The following ZNF407 variants were observed in gnomAD, a reference collection of about 807,000 sequenced individuals.
ZNF407 encodes zinc finger protein 407.
ZNF407 carries 17 observed loss-of-function variants against 131.2 expected under a neutral mutation model. The ratio of observed to expected loss-of-function variants is 0.13; its 90% CI spans 0.09 to 0.19. The LOEUF (loss-of-function observed/expected upper bound fraction) is 0.19, where lower values mean the gene tolerates loss of function less well. Ranked by LOEUF, ZNF407 falls within the 10% of genes least tolerant of loss-of-function variation. The pLI, the probability that ZNF407 is intolerant of heterozygous loss-of-function variation, is 1.00. For synonymous variants in ZNF407, 1,156 were observed against 1,062.0 expected (o/e 1.09, Z -1.72); for missense variants, 2,681 against 2,830.6 (o/e 0.95, Z 1.20).
At chr18:74,939,787 A>G (rs550223952) in intron 8 of ZNF407, among the ~76,000 whole-genome samples, 6 of 152,228 alleles carry the variant, frequency 3.9e-5, no homozygotes, top group Non-Finnish European at 7.4e-5. Context: ...TCAAGACCTC[A>G]CTGATAGAAA....
At chr18:74,991,840 CTT>C (rs1249122410) in intron 8 of ZNF407, among the ~76,000 whole-genome samples, 1 of 152,174 alleles carries the variant, frequency 6.6e-6, no homozygotes, top group African/African-American at 2.4e-5. Context: ...AGGAGTATTC[CTT>C]GCTTCTAGTT....
intron 3 of ZNF407, 83 bp from the exon 4 acceptor site, chr18:74,781,345 A>G: frequency 5.3e-6 from 5 of 951,418 alleles, no homozygotes; most frequent in Non-Finnish European, 6.3e-6. Flanking sequence ...TTGCATATAT[A>G]TATTATTCTT....
chr18:74,866,100 G>T (rs1435961494), intron 4 of ZNF407, among the ~76,000 whole-genome samples: 1 of 152,132 alleles, frequency 6.6e-6, no homozygotes, highest in South Asian at 2.1e-4. Context: ...CCTACAACAT[G>T]ATCTTTCAAT....
intron 7 of ZNF407, among the ~76,000 whole-genome samples, chr18:74,919,253 GTTATTTT>G (rs1971814548): frequency 1.3e-5 from 2 of 152,156 alleles, no homozygotes; most frequent in Non-Finnish European, 2.9e-5. Context: ...AGAGATAACA[GTTATTTT>G]CACTTCCTTG....
At chr18:74,617,359 C>T (rs1983361373) in intron 1 of ZNF407, among the ~76,000 whole-genome samples, 18 of 152,188 alleles carry the variant, frequency 1.2e-4, no homozygotes, top group Non-Finnish European at 1.0e-4. Flanking sequence ...ATCAGTTGGC[C>T]TAAAATGTCC....
At chr18:74,962,604 A>G (rs915760946) in intron 8 of ZNF407, among the ~76,000 whole-genome samples, 3 of 152,186 alleles carry the variant, frequency 2.0e-5, no homozygotes, top group Non-Finnish European at 4.4e-5. Context: ...AACTACGGGT[A>G]TACGCCAAAT....
chr18:75,053,568 A>T (rs1973526633), intron 8 of ZNF407, among the ~76,000 whole-genome samples: 1 of 152,148 alleles, frequency 6.6e-6, no homozygotes, highest in South Asian at 2.1e-4. Context: ...AAGCTTTATT[A>T]TCCCAGGGGT....
chr18:74,622,976 CAGTGTGAATGTGAGTCCGTGTGTCTGTT>C, intron 1 of ZNF407, among the ~76,000 whole-genome samples: 1 of 150,600 alleles, frequency 6.6e-6, no homozygotes, highest in South Asian at 2.1e-4. Flanking sequence ...GTGCGTGTGT[CAGTGTGAATGTGAGTCCGTGTGTCTGTT>C]AGTCTGAATG....
chr18:74,640,993 G>C lies in ZNF407; in HGVS notation c.4688-15G>C. The C allele has an allele frequency of 4.4e-6, 7 of 1,588,284 alleles. No homozygotes were observed. Among genetic ancestry groups the C allele is most frequent in the Non-Finnish European group, 6.0e-6 (7 of 1,157,046 alleles). On this transcript the variant is annotated splice_polypyrimidine_tract_variant and intron_variant, in intron 2 of 8. Transcript: ENST00000299687. ...TATTCAAAATCAAATCATATTTTAT[G>C]TTAAATTTACTCAGGATCAAAACCA...
intron 8 of ZNF407, among the ~76,000 whole-genome samples, chr18:74,996,498 C>A (rs1972781995): frequency 6.6e-6 from 1 of 152,146 alleles, no homozygotes; most frequent in African/African-American, 2.4e-5. Context: ...AGGTGAACGG[C>A]AATAAGTGTT....
At chr18:74,950,703 GTT>G (rs1173741042) in intron 8 of ZNF407, among the ~76,000 whole-genome samples, 2 of 152,210 alleles carry the variant, frequency 1.3e-5, no homozygotes, top group Non-Finnish European at 1.5e-5. Flanking sequence ...CTGCCTGTCT[GTT>G]TTGCTGCGCG....
At chr18:74,803,900 A>G (rs2145075497) in intron 4 of ZNF407, 5 of 1,520,534 alleles carry the variant, frequency 3.3e-6, no homozygotes, top group Non-Finnish European at 3.6e-6. Context: ...GTTCACGAGA[A>G]TGCTTTACAA....
intron 3 of ZNF407, among the ~76,000 whole-genome samples, chr18:74,651,950 G>T (rs1405324908): frequency 6.6e-6 from 1 of 152,112 alleles, no homozygotes; most frequent in Non-Finnish European, 1.5e-5. Context: ...GCATTGCTGT[G>T]TCTATACTGA....
intron 8 of ZNF407, among the ~76,000 whole-genome samples, chr18:74,980,214 A>T (rs1972572713): frequency 6.6e-6 from 1 of 151,954 alleles, no homozygotes; most frequent in South Asian, 2.1e-4. Flanking sequence ...CTAATTCCAA[A>T]ACGGAAGACG....
At chr18:74,749,312 C>A (rs1259375751) in intron 3 of ZNF407, among the ~76,000 whole-genome samples, 1 of 152,116 alleles carries the variant, frequency 6.6e-6, no homozygotes, top group African/African-American at 2.4e-5. Context: ...CTTTCCTTAC[C>A]TTATATTTTC....
chr18:74,624,562 G>A (rs1036104832), intron 1 of ZNF407, among the ~76,000 whole-genome samples: 1 of 152,132 alleles, frequency 6.6e-6, no homozygotes, highest in African/African-American at 2.4e-5. Context: ...TATGTCTTGC[G>A]TCTTGAAAAG....
chr18:74,742,500 T>G (rs374374230), intron 3 of ZNF407, among the ~76,000 whole-genome samples: 2 of 152,186 alleles, frequency 1.3e-5, no homozygotes, highest in Non-Finnish European at 2.9e-5. Flanking sequence ...TTTTCAGAGA[T>G]AGTTTGAATC....
At chr18:74,831,780 G>A (rs1970487374) in intron 4 of ZNF407, among the ~76,000 whole-genome samples, 1 of 152,060 alleles carries the variant, frequency 6.6e-6, no homozygotes, top group African/African-American at 2.4e-5. Flanking sequence ...TGAGTGTGGG[G>A]ACCTCTCCAT....
chr18:74,601,700 C>A (rs1327525125), intron 1 of ZNF407, among the ~76,000 whole-genome samples: 1 of 151,910 alleles, frequency 6.6e-6, no homozygotes, highest in Non-Finnish European at 1.5e-5. Flanking sequence ...ATAGCCAGGT[C>A]ACATGGGAAC....
Sources: allele counts gnomAD v4.1 joint callset (sites outside exome capture counted in the v4.1 genomes callset), GRCh38; gene constraint gnomAD v4.1.1; transcripts MANE v1.5; gene names NCBI Gene and HGNC (gene_info 2026-07-23, HGNC 2026-07-21).